The following COL5A3 variants were observed in gnomAD, a reference collection of about 807,000 sequenced individuals.
The protein encoded by COL5A3 is collagen alpha-3(V) chain.
Under a neutral mutation model 250.0 loss-of-function variants are expected in COL5A3, and 172 were observed. The observed-to-expected ratio is 0.69, with a 90% confidence interval of 0.61 to 0.78. The LOEUF (loss-of-function observed/expected upper bound fraction) is 0.78. Among genes scored for constraint, COL5A3 ranks in the 30% least tolerant of loss-of-function variants. The pLI, the probability that COL5A3 is intolerant of heterozygous loss-of-function variation, is 0.00. For synonymous variants in COL5A3, 937 were observed against 900.4 expected (o/e 1.04, Z -0.73); for missense variants, 2,340 against 2,334.4 (o/e 1.00, Z -0.05).
chr19:9,960,795 G>A lies in COL5A3; in HGVS notation c.4947C>T (p.Tyr1649=). 2 of 1,613,994 alleles carry A rather than the reference G, an allele frequency of 1.2e-6. No individual in the cohort carries two copies. The highest frequency in any genetic ancestry group is 1.7e-5 in the Admixed American group (1 of 60,020). ...GCCAGGCAGCTGCATTCTGGCAGGAGTAGGTGAAGTTCTGGCGAGCTGTGG... is the reference window on the plus strand; with the variant it reads ...GCCAGGCAGCTGCATTCTGGCAGGAATAGGTGAAGTTCTGGCGAGCTGTGG... ...LSATARQNFT[Y]SCQNAAAWLD... Residue 1649 remains tyrosine, a synonymous_variant, in exon 66 of 67, where the codon TAC becomes TAT. Transcript: ENST00000264828.
At chr19:9,980,944 C>G in intron 33 of COL5A3, 85 bp from the exon 34 acceptor site, 1 of 1,514,254 alleles carries the variant, frequency 6.6e-7, no homozygotes, top group Non-Finnish European at 9.0e-7. Context: ...GTCCCCTCCC[C>G]TTGTGACTCC....
At chr19:9,976,478 G>A (rs1015918884) in intron 45 of COL5A3, 80 bp downstream of exon 45, 14 of 1,080,070 alleles carry the variant, frequency 1.3e-5, no homozygotes, top group Non-Finnish European at 1.7e-5. Context: ...GATTAAGTCA[G>A]TGTGCTTCCA....
intron 24 of COL5A3, among the ~76,000 whole-genome samples, chr19:9,991,179 C>T (rs2087183578): frequency 6.6e-6 from 1 of 152,182 alleles, no homozygotes; most frequent in Non-Finnish European, 1.5e-5. Context: ...GAAGTCAAGG[C>T]TGCAGTGAGG....
chr19:9,978,775 A>AT (rs892975061), intron 40 of COL5A3, 116 bp downstream of exon 40: 166 of 938,262 alleles, frequency 1.8e-4, no homozygotes, highest in Non-Finnish European at 2.3e-4. Flanking sequence ...TCCCTCCACC[A>AT]TTTTTTTTGC....
In COL5A3 at chr19:9,971,270, A is replaced by G. The variant is rs551927484; in HGVS notation, c.3775-12T>C. The stretch of plus-strand genomic sequence containing the variant: ...AGCCCCGTGGGGCCCTGGAACACAG[A>G]ATGATTAATAATCACATCTCTGAAT... On this transcript the variant is annotated splice_polypyrimidine_tract_variant and intron_variant, in intron 51 of 66. Coordinates refer to ENST00000264828, the MANE Select transcript of COL5A3 (RefSeq NM_015719.4). 3 of 1,557,358 alleles carry G rather than the reference A, an allele frequency of 1.9e-6. No individual in the cohort carries two copies. The highest frequency in any genetic ancestry group is 4.8e-5 in the East Asian group (2 of 41,862).
chr19:9,980,898 G>T (rs780994746), intron 33 of COL5A3, 39 bp from the exon 34 acceptor site: 3 of 1,585,398 alleles, frequency 1.9e-6, no homozygotes, highest in Non-Finnish European at 2.6e-6. Context: ...ATATGAGGGG[G>T]TGGGGGAGCC....
rs1429322119 is a variant in COL5A3, at chr19:9,973,761, C to T, written c.3607G>A (p.Glu1203Lys). ...GGVGQPGAVG[E>K]KGERGDAGDP... The stretch of plus-strand genomic sequence containing the variant: ...CCCTGCCTTCCCTCACTCACCTTCT[C>T]ACCCACGGCGCCTGGCTGACCAACT... Residue 1203 changes from glutamate (E) to lysine (K), a missense_variant, in exon 49 of 67, where the codon GAG becomes AAG. This residue lies in a region of COL5A3 where 1,179 missense variants were observed against 1,162.6 expected (regional missense o/e 1.01). Transcript: ENST00000264828. The T allele has an allele frequency of 6.2e-7, 1 of 1,614,036 alleles. No individual in the cohort carries two copies. The highest frequency in any genetic ancestry group is 8.5e-7 in the Non-Finnish European group (1 of 1,179,964).
At chr19:9,994,164 G>T (rs918184097) in intron 16 of COL5A3, among the ~76,000 whole-genome samples, 1 of 148,444 alleles carries the variant, frequency 6.7e-6, no homozygotes, top group African/African-American at 2.6e-5. Flanking sequence ...CCAAGGCTAA[G>T]ATATTATTTT....
chr19:9,999,616 C>A lies in COL5A3; in HGVS notation c.1111-1467G>T, dbSNP rs914400931. ...AGAAGCTGGGACTACAGGCGCCCGCCACCACGCCCAGCTAATTTTTTTGTA... is the reference window on the plus strand; with the variant it reads ...AGAAGCTGGGACTACAGGCGCCCGCAACCACGCCCAGCTAATTTTTTTGTA... On this transcript the variant is annotated intron_variant, in intron 8 of 66. Coordinates refer to ENST00000264828, the MANE Select transcript of COL5A3 (RefSeq NM_015719.4). 2.9e-4 allele frequency among the ~76,000 whole-genome samples: 42 copies of A among 145,940 alleles called. 1 individual carries two copies. Among genetic ancestry groups the A allele is most frequent in the Non-Finnish European group, 7.5e-5 (5 of 66,592 alleles).
At chr19:9,969,239 T>G in intron 57 of COL5A3, 110 bp downstream of exon 57, 1 of 943,254 alleles carries the variant, frequency 1.1e-6, no homozygotes, top group South Asian at 1.7e-5. Context: ...GTATGGACAC[T>G]CAGATGGATG....
Position 9,968,341 on chromosome 19 carries a change from C to T in COL5A3, c.4314+44G>A. The T allele has an allele frequency of 7.1e-7, 1 of 1,400,788 alleles. No individual in the cohort carries two copies. The highest frequency in any genetic ancestry group is 1.0e-6 in the Non-Finnish European group (1 of 999,286). The allele number at this position is 1,400,788 out of a possible 1,614,324, so 86.8% of individuals were successfully genotyped here. A position where few individuals can be genotyped will look rare whatever the true frequency, so the allele number is the denominator to read the frequency against. On this transcript the variant is annotated intron_variant, in intron 59 of 66. Transcript: ENST00000264828. The surrounding 1 kb of genome is among the most constrained non-coding windows in gnomAD (Gnocchi z 4.1). The stretch of plus-strand genomic sequence containing the variant: ...CACACCCACAGTCTCTCAACCGACC[C>T]CCTCCTTCAAATGCATTCTTCCCGC...
rs2087302814 is a variant in COL5A3 at position 9,998,261 on chromosome 19, G to C, written c.1111-112C>G. 14 of 1,041,222 alleles carry C rather than the reference G, an allele frequency of 1.3e-5. No individual in the cohort carries two copies. The South Asian group carries it at 2.2e-4, about 17-fold the overall frequency. The allele number at this position is 1,041,222 out of a possible 1,614,324, so 64.5% of individuals were successfully genotyped here. On this transcript the variant is annotated intron_variant, in intron 8 of 66. Transcript: ENST00000264828. The stretch of plus-strand genomic sequence containing the variant: ...ACACACACACACACACACACACGGA[G>C]TCCACCCTCAGAGCCCCTTCTCCTC...
chr19:9,970,597 AC>A (rs1261124677), intron 54 of COL5A3, 24 bp downstream of exon 54: 4 of 1,402,276 alleles, frequency 2.9e-6, no homozygotes, highest in South Asian at 1.7e-5. Context: ...TAAGCTGAGG[AC>A]CCAGGAGGTG....
At chr19:9,989,445 C>A in intron 25 of COL5A3, 24 bp downstream of exon 25, 1 of 1,613,634 alleles carries the variant, frequency 6.2e-7, no homozygotes, top group Non-Finnish European at 8.5e-7. Context: ...CTCCTTCCTC[C>A]TTTTCCCAGC....
chr19:9,966,483 C>T, intron 63 of COL5A3, 53 bp downstream of exon 63: 3 of 1,551,806 alleles, frequency 1.9e-6, no homozygotes, highest in Non-Finnish European at 2.6e-6. Flanking sequence ...GGACCCCAAC[C>T]CCCCCCACAC....
At position 9,969,854 on chromosome 19, in the gene COL5A3, G is replaced by A; in HGVS notation, c.3990+15C>T. 6.2e-7 allele frequency: 1 copy of A among 1,613,750 alleles called. No individual in the cohort carries two copies. Among genetic ancestry groups the A allele is most frequent in the Non-Finnish European group, 8.5e-7 (1 of 1,179,838 alleles). On this transcript the variant is annotated intron_variant, in intron 55 of 66. Coordinates refer to ENST00000264828, the MANE Select transcript of COL5A3 (RefSeq NM_015719.4). The stretch of plus-strand genomic sequence containing the variant: ...GAGTAGTGCAGGGACCCTTCCCCTT[G>A]CCAGGGGGACTCACCTTGGCACCTT...
At position 9,974,400 on chromosome 19, in the gene COL5A3, G is replaced by A. The variant is rs199836827; in HGVS notation, c.3351C>T (p.Asp1117=). 62 of 1,594,612 alleles carry A rather than the reference G, an allele frequency of 3.9e-5. 1 individual carries two copies. In the South Asian group the frequency reaches 5.9e-4, roughly 15 times the overall value. Residue 1117 remains aspartate (D), a synonymous_variant, in exon 46 of 67, where the codon GAC becomes GAT. Transcript: ENST00000264828. ...PAGHPGPPGA[D]GAQGRRGPPG... is the part of the protein sequence containing the mutation. ...GGGGTCCCCGGCGCCCCTGAGCCCC[G>A]TCTGCTCCCTGGAAGAACACAAACA...
chr19:9,985,371 C>T (rs1042836311), intron 31 of COL5A3, among the ~76,000 whole-genome samples: 3 of 151,444 alleles, frequency 2.0e-5, no homozygotes, highest in Admixed American at 2.0e-4. Context: ...AGCGATTCTC[C>T]TGCCTCAGCC....
intron 16 of COL5A3, among the ~76,000 whole-genome samples, chr19:9,994,797 A>G (rs1018290207): frequency 6.6e-6 from 1 of 151,594 alleles, no homozygotes; most frequent in Admixed American, 6.6e-5. Flanking sequence ...TGTACTGAAT[A>G]TCACAGGCAA....
Sources: gnomAD v4.1 joint callset for allele counts (sites outside exome capture counted in the v4.1 genomes callset) on GRCh38, gnomAD v4.1.1 for gene constraint, gnomAD v4.1.1 regional missense constraint, Gnocchi (gnomAD v3.1) non-coding constraint, MANE v1.5 for transcripts, NCBI Gene and HGNC (gene_info 2026-07-23, HGNC 2026-07-21) for gene names.